CALCR: variants seen among roughly 807,000 people sequenced by gnomAD.
CALCR encodes the protein calcitonin receptor.
Under a neutral mutation model 59.5 loss-of-function variants are expected in CALCR, and 47 were observed. The ratio of observed to expected loss-of-function variants is 0.79; its 90% confidence interval spans 0.63 to 1.01. The LOEUF (loss-of-function observed/expected upper bound fraction) is 1.01, where lower values mean the gene tolerates loss of function less well. CALCR is among the 50% of genes least tolerant of loss of function. CALCR has a pLI of 0.00. For synonymous variants in CALCR, 213 were observed against 211.3 expected (o/e 1.01, Z -0.07); for missense variants, 566 against 597.1 (o/e 0.95, Z 0.54).
At chr7:93,569,443 C>A (rs1196410168) in intron 2 of CALCR, among the ~76,000 whole-genome samples, 2 of 152,138 alleles carry the variant, frequency 1.3e-5, no homozygotes, top group African/African-American at 4.8e-5. Context: ...GCCTGTAACA[C>A]TTCATTTCTT....
intron 8 of CALCR, among the ~76,000 whole-genome samples, chr7:93,459,612 G>A (rs1328958398): frequency 2.0e-5 from 3 of 151,960 alleles, no homozygotes; most frequent in African/African-American, 7.3e-5. Context: ...TATATTCCTC[G>A]GCTCCACCTC....
At chr7:93,482,868 C>G (rs1800829556) in intron 3 of CALCR, 1 of 532,912 alleles carries the variant, frequency 1.9e-6, no homozygotes, top group Admixed American at 1.9e-5. Flanking sequence ...ATTAGAACCT[C>G]TGTTGTCAGA....
chr7:93,432,662 A>G (rs183260928), intron 13 of CALCR, among the ~76,000 whole-genome samples: 1 of 152,334 alleles, frequency 6.6e-6, no homozygotes, highest in Non-Finnish European at 1.5e-5. Context: ...AGTATCATAG[A>G]TAAGACACAA....
At position 93,434,304 on chromosome 7, in the gene CALCR, G is replaced by T. The variant is rs1799725157; in HGVS notation, c.1150-10C>A. ...TCGCAACAAAGAAGCCCTAAAAAGG[G>T]AAGGAAAAATACAGTTGAAGTTATT... is the stretch of plus-strand genomic sequence containing the variant. On this transcript the variant is annotated splice_polypyrimidine_tract_variant and intron_variant, in intron 12 of 13. Coordinates refer to ENST00000426151, the MANE Select transcript of CALCR (RefSeq NM_001742.4). 6.2e-7 allele frequency: 1 copy of T among 1,600,706 alleles called. No homozygotes were observed. Among genetic ancestry groups the T allele is most frequent in the East Asian group, 2.2e-5 (1 of 44,570 alleles).
At chr7:93,563,275 A>C in intron 2 of CALCR, among the ~76,000 whole-genome samples, 1 of 152,300 alleles carries the variant, frequency 6.6e-6, no homozygotes, top group East Asian at 1.9e-4. Context: ...CCTAATTAAA[A>C]TTCAATGTAT....
chr7:93,476,271 T>C (rs962843449), intron 5 of CALCR, among the ~76,000 whole-genome samples: 24 of 151,808 alleles, frequency 1.6e-4, no homozygotes, highest in Admixed American at 5.3e-4. Flanking sequence ...TCAGCCTCTT[T>C]TGAATTTCAA....
At chr7:93,531,172 T>G (rs1309974546) in intron 2 of CALCR, among the ~76,000 whole-genome samples, 1 of 152,100 alleles carries the variant, frequency 6.6e-6, no homozygotes, top group Non-Finnish European at 1.5e-5. Flanking sequence ...GTTAAATTCT[T>G]TTTGAAATGT....
intron 2 of CALCR, among the ~76,000 whole-genome samples, chr7:93,555,976 A>T (rs1318022498): frequency 6.6e-6 from 1 of 152,208 alleles, no homozygotes; most frequent in East Asian, 1.9e-4. Flanking sequence ...AGGTGACTCA[A>T]ATAGCAATTG....
chr7:93,562,684 G>A (rs1310654182), intron 2 of CALCR, among the ~76,000 whole-genome samples: 1 of 152,092 alleles, frequency 6.6e-6, no homozygotes, highest in Non-Finnish European at 1.5e-5. Flanking sequence ...GCAAAATCTG[G>A]CCAGCTGGAA....
chr7:93,507,863 C>T (rs975012639), intron 2 of CALCR, among the ~76,000 whole-genome samples: 9 of 150,504 alleles, frequency 6.0e-5, no homozygotes, highest in East Asian at 2.0e-4. Context: ...GCAGAGCTTG[C>T]GGTGAGCCGA....
chr7:93,458,694 C>T (rs1800257308), intron 8 of CALCR, among the ~76,000 whole-genome samples: 1 of 152,100 alleles, frequency 6.6e-6, no homozygotes, highest in African/African-American at 2.4e-5. Flanking sequence ...TCAGTTTCCG[C>T]AGGGCCTCCT....
chr7:93,501,946 C>G (rs1801329446), intron 2 of CALCR, among the ~76,000 whole-genome samples: 1 of 152,038 alleles, frequency 6.6e-6, no homozygotes, highest in African/African-American at 2.4e-5. Context: ...TGACAGGAAA[C>G]AGAGCTCCAA....
chr7:93,472,164 T>C (rs995227897), intron 6 of CALCR, among the ~76,000 whole-genome samples: 1 of 151,860 alleles, frequency 6.6e-6, no homozygotes, highest in Non-Finnish European at 1.5e-5. Flanking sequence ...GGAACTTCAA[T>C]TGACTCTTGA....
At chr7:93,433,305 TTGTA>T (rs1176301256) in intron 13 of CALCR, among the ~76,000 whole-genome samples, 1 of 152,242 alleles carries the variant, frequency 6.6e-6, no homozygotes, top group Non-Finnish European at 1.5e-5. Flanking sequence ...GTGATTTGCC[TTGTA>T]TGGAATTATT....
At chr7:93,464,510 G>C (rs1047141466) in intron 7 of CALCR, among the ~76,000 whole-genome samples, 4 of 151,826 alleles carry the variant, frequency 2.6e-5, no homozygotes, top group Non-Finnish European at 5.9e-5. Flanking sequence ...GAAAAAAAGA[G>C]AGAAAATGAA....
At chr7:93,434,389 G>GGAAA in intron 12 of CALCR, 95 bp from the exon 13 acceptor site, 1 of 511,148 alleles carries the variant, frequency 2.0e-6, no homozygotes, top group South Asian at 3.0e-5. Context: ...AAGGCCTGAT[G>GGAAA]AAAAAAAAAA....
intron 2 of CALCR, among the ~76,000 whole-genome samples, chr7:93,523,640 C>A (rs771017668): frequency 3.9e-5 from 6 of 152,078 alleles, no homozygotes; most frequent in South Asian, 2.1e-4. Flanking sequence ...CAAATAAGTT[C>A]TTATTATCCT....
chr7:93,444,607 C>T (rs1799975349), intron 8 of CALCR, among the ~76,000 whole-genome samples: 1 of 151,966 alleles, frequency 6.6e-6, no homozygotes, highest in South Asian at 2.1e-4. Context: ...TGGCATCTCC[C>T]ACACACTCTT....
chr7:93,486,041 A>G (rs1800936796), intron 3 of CALCR, among the ~76,000 whole-genome samples: 1 of 151,648 alleles, frequency 6.6e-6, no homozygotes, highest in Non-Finnish European at 1.5e-5. Context: ...ATAACTACAC[A>G]TTAATAAACA....
Sources: gnomAD v4.1 joint callset for allele counts (sites outside exome capture counted in the v4.1 genomes callset) on GRCh38, gnomAD v4.1.1 for gene constraint, MANE v1.5 for transcripts, NCBI Gene and HGNC (gene_info 2026-07-23, HGNC 2026-07-21) for gene names.